Variants in CSMD1 observed in about 807,000 individuals in gnomAD.
The protein encoded by CSMD1 is CUB and Sushi multiple domains 1, also known as CUB and sushi domain-containing protein 1.
A neutral mutation model predicts 417.5 loss-of-function variants in CSMD1; 213 were observed. The observed-to-expected ratio is 0.51, with a 90% CI of 0.46 to 0.57. CSMD1 has a LOEUF of 0.57. CSMD1 is among the 20% of genes least tolerant of loss of function. The pLI is 0.00. For missense variants in CSMD1, 6,923 were observed against 4,529.7 expected, an observed-to-expected ratio of 1.53 and a Z score of -15.17; for synonymous variants, 2,862 against 1,736.8, an observed-to-expected ratio of 1.65 and a Z score of -16.11.
intron 3 of CSMD1, among the ~76,000 whole-genome samples, chr8:4,238,635 A>G (rs184757221): frequency 7.9e-5 from 12 of 152,318 alleles, no homozygotes; most frequent in South Asian, 2.1e-4. Context: ...AATGAAACCA[A>G]TGAGGTCATT....
At chr8:3,052,839 T>C (rs1031999724) in intron 49 of CSMD1, among the ~76,000 whole-genome samples, 192 bp from the exon 50 acceptor site, 7 of 150,092 alleles carry the variant, frequency 4.7e-5, no homozygotes, top group Non-Finnish European at 8.9e-5. Flanking sequence ...TGGAGTGCAA[T>C]GACTCGATCT....
chr8:4,838,801 C>A (rs1231498694), intron 1 of CSMD1, among the ~76,000 whole-genome samples: 1 of 152,210 alleles, frequency 6.6e-6, no homozygotes, highest in Non-Finnish European at 1.5e-5. Flanking sequence ...CCGACAGACA[C>A]TGGCTCCCAA....
At chr8:4,634,012 A>C (rs1450796579) in intron 2 of CSMD1, among the ~76,000 whole-genome samples, 2 of 150,234 alleles carry the variant, frequency 1.3e-5, no homozygotes, top group East Asian at 3.9e-4. Flanking sequence ...AAAAAAAAAC[A>C]ATGAAGAGAT....
At position 3,838,670 on chromosome 8, in the gene CSMD1, TAATATTATATAGTATAATATATAATA is replaced by T. The variant is rs1157066070; in HGVS notation, c.819-84654_819-84629del. ...TTATATAGTATAATATATAATAAAT[TAATATTATATAGTATAATATATAATA>T]AATATTATATAGTATAATATATAAT... On this transcript the variant is annotated intron_variant, in intron 5 of 69. Transcript: ENST00000635120. Among the ~76,000 whole-genome samples the T allele has an allele frequency of 3.4e-3, 365 of 107,420 alleles. 21 individuals carry two copies. The highest frequency in any genetic ancestry group is 5.2e-3 in the African/African-American group (127 of 24,626). The allele number at this position is 107,420 out of a possible 152,430, so 70.5% of individuals were successfully genotyped here. A position where few individuals can be genotyped will look rare whatever the true frequency, so the allele number is the denominator to read the frequency against.
intron 1 of CSMD1, among the ~76,000 whole-genome samples, chr8:4,759,327 C>T (rs546988212): frequency 2.4e-4 from 36 of 152,082 alleles, no homozygotes; most frequent in Non-Finnish European, 4.0e-4. Flanking sequence ...CTGAAAGCCC[C>T]AGCAGCCAGC....
At chr8:4,638,884 G>C (rs1317331694) in intron 1 of CSMD1, among the ~76,000 whole-genome samples, 1 of 152,166 alleles carries the variant, frequency 6.6e-6, no homozygotes, top group Non-Finnish European at 1.5e-5. Context: ...TGAAGATTTT[G>C]TGTTATTGAT....
chr8:4,296,935 G>C (rs79649354), intron 3 of CSMD1, among the ~76,000 whole-genome samples: 3,857 of 152,056 alleles, frequency 0.025, 66 homozygotes, highest in Middle Eastern at 0.095. Flanking sequence ...ATGGACAATG[G>C]TACACAAATG....
intron 5 of CSMD1, among the ~76,000 whole-genome samples, chr8:3,887,024 A>G (rs1418878811): frequency 6.6e-6 from 1 of 152,148 alleles, no homozygotes; most frequent in Non-Finnish European, 1.5e-5. Context: ...GACTTCAGTG[A>G]CCTTTCAAAC....
At chr8:3,543,587 G>C (rs1798534127) in intron 10 of CSMD1, among the ~76,000 whole-genome samples, 1 of 150,304 alleles carries the variant, frequency 6.7e-6, no homozygotes, top group South Asian at 2.1e-4. Flanking sequence ...TGGGGTATGA[G>C]AACAAAAGAA....
chr8:4,351,232 A>T (rs1396113512), intron 3 of CSMD1, among the ~76,000 whole-genome samples: 3 of 152,188 alleles, frequency 2.0e-5, no homozygotes, highest in African/African-American at 4.8e-5. Context: ...TGATACCTAA[A>T]GCTCCATCTA....
intron 26 of CSMD1, among the ~76,000 whole-genome samples, chr8:3,264,856 G>A (rs1295337524): frequency 1.5e-5 from 2 of 132,522 alleles, no homozygotes; most frequent in East Asian, 4.5e-4. Context: ...TGGGTGGGCT[G>A]TGTGTGGGTG....
At chr8:3,745,849 T>C (rs1563334466) in intron 6 of CSMD1, among the ~76,000 whole-genome samples, 1 of 152,196 alleles carries the variant, frequency 6.6e-6, no homozygotes, top group Non-Finnish European at 1.5e-5. Flanking sequence ...GAATAATCTG[T>C]GGTTTCCCCA....
intron 3 of CSMD1, among the ~76,000 whole-genome samples, chr8:4,306,490 G>C (rs1319191079): frequency 2.6e-5 from 4 of 152,200 alleles, no homozygotes; most frequent in East Asian, 3.9e-4. Context: ...CAGGGTGTAA[G>C]ATCTCATTTC....
chr8:4,500,233 A>G (rs894849666), intron 2 of CSMD1, among the ~76,000 whole-genome samples: 7 of 152,092 alleles, frequency 4.6e-5, no homozygotes, highest in African/African-American at 1.7e-4. Flanking sequence ...TAGTGAATAT[A>G]AACATCATGT....
intron 6 of CSMD1, among the ~76,000 whole-genome samples, chr8:3,741,971 G>A (rs895496254): frequency 7.6e-6 from 1 of 131,110 alleles, no homozygotes; most frequent in Non-Finnish European, 1.6e-5. Flanking sequence ...TTTTTCCAAA[G>A]AATCTTGGTT....
intron 23 of CSMD1, among the ~76,000 whole-genome samples, chr8:3,326,721 T>C (rs958864653): frequency 2.0e-5 from 3 of 152,232 alleles, no homozygotes; most frequent in East Asian, 1.9e-4. Context: ...TGTCTCCCTA[T>C]TGTATTGGAA....
intron 3 of CSMD1, among the ~76,000 whole-genome samples, chr8:4,178,573 C>G (rs1364399047): frequency 6.6e-6 from 1 of 151,294 alleles, no homozygotes; most frequent in African/African-American, 2.4e-5. Flanking sequence ...GTTGGAAGTT[C>G]TGGCCAGGGC....
intron 1 of CSMD1, among the ~76,000 whole-genome samples, chr8:4,881,872 A>G (rs1314307340): frequency 2.0e-5 from 3 of 152,022 alleles, no homozygotes; most frequent in Non-Finnish European, 4.4e-5. Flanking sequence ...TTATTTTTCA[A>G]CACTTTTATG....
At chr8:4,922,815 G>C (rs924771716) in intron 1 of CSMD1, among the ~76,000 whole-genome samples, 2 of 152,100 alleles carry the variant, frequency 1.3e-5, no homozygotes, top group Non-Finnish European at 2.9e-5. Flanking sequence ...TTCTACACAG[G>C]GAAATGACTT....
Sources: allele counts gnomAD v4.1 joint callset (sites outside exome capture counted in the v4.1 genomes callset), GRCh38; gene constraint gnomAD v4.1.1; transcripts MANE v1.5; gene names NCBI Gene and HGNC (gene_info 2026-07-23, HGNC 2026-07-21).